The following RGPD2 variants were observed in gnomAD, a reference collection of about 807,000 sequenced individuals.
The protein encoded by RGPD2 is RANBP2-like and GRIP domain-containing protein 2.
RGPD2 carries 2 observed loss-of-function variants against 36.0 expected under a neutral mutation model. The observed-to-expected ratio is 0.06, with a 90% CI of 0.02 to 0.17. RGPD2 has a LOEUF of 0.17. RGPD2 is among the 10% of genes least tolerant of loss of function. The pLI is 1.00. For missense variants in RGPD2, 40 were observed against 464.3 expected, an observed-to-expected ratio of 0.09 and a Z score of 8.40; for synonymous variants, 19 against 163.8, an observed-to-expected ratio of 0.12 and a Z score of 6.75.
At chr2:87,865,481 C>A in the RGPD2 span, among the ~76,000 whole-genome samples, 179 of 152,234 alleles carry the variant, frequency 1.2e-3, no homozygotes, top group African/African-American at 3.6e-3. Context: ...TGAGTCTAGA[C>A]CTTACAACTG....
chr2:87,956,379 T>C, the RGPD2 span, among the ~76,000 whole-genome samples: 2 of 151,994 alleles, frequency 1.3e-5, no homozygotes, highest in East Asian at 3.9e-4. Flanking sequence ...AAATTATACA[T>C]ATATTTTATA....
chr2:87,815,520 A>G (rs561391156), intron 4 of RGPD2, among the ~76,000 whole-genome samples: 125 of 2,870 alleles, frequency 0.044, 6 homozygotes, highest in Middle Eastern at 0.094. Context: ...AAAAAAATCT[A>G]TAATTATTTC....
the RGPD2 span, among the ~76,000 whole-genome samples, chr2:87,957,548 A>T: frequency 6.7e-6 from 1 of 150,362 alleles, no homozygotes; most frequent in Non-Finnish European, 1.5e-5. Flanking sequence ...ATGGATGTGG[A>T]CAAAAGAACT....
At chr2:87,939,645 A>G in the RGPD2 span, among the ~76,000 whole-genome samples, 1 of 151,892 alleles carries the variant, frequency 6.6e-6, no homozygotes, top group East Asian at 1.9e-4. Context: ...TCTGAAATGA[A>G]CCAGATCAGC....
the RGPD2 span, among the ~76,000 whole-genome samples, chr2:87,966,637 C>T: frequency 5.9e-3 from 899 of 152,290 alleles, no homozygotes; most frequent in African/African-American, 0.02. Context: ...GAACTTAATG[C>T]CTAGAACTGG....
chr2:87,967,264 T>C, the RGPD2 span, among the ~76,000 whole-genome samples: 2 of 145,770 alleles, frequency 1.4e-5, no homozygotes, highest in Non-Finnish European at 3.0e-5. Context: ...AAAAATTAGC[T>C]GGGCATGGTG....
At chr2:87,967,359 G>T in the RGPD2 span, among the ~76,000 whole-genome samples, 1 of 149,870 alleles carries the variant, frequency 6.7e-6, no homozygotes, top group Non-Finnish European at 1.5e-5. Context: ...AGTGAGCCGA[G>T]ATTGCGCCAC....
chr2:87,781,448 T>G (rs71226347), intron 20 of RGPD2, among the ~76,000 whole-genome samples: 3,574 of 131,642 alleles, frequency 0.027, 103 homozygotes, highest in Non-Finnish European at 0.04. Flanking sequence ...AATATCATGG[T>G]TTTTTTTGTT....
At chr2:87,959,042 A>AT in the RGPD2 span, among the ~76,000 whole-genome samples, 2 of 23,938 alleles carry the variant, frequency 8.4e-5, no homozygotes, top group Non-Finnish European at 1.4e-4. Flanking sequence ...ATTCAGGGAG[A>AT]TATATATATA....
At chr2:87,972,728 C>G in the RGPD2 span, 2 of 1,610,536 alleles carry the variant, frequency 1.2e-6, no homozygotes, top group Admixed American at 1.7e-5. Context: ...ACAGCAGCTT[C>G]GAGAGCTGTG....
the RGPD2 span, among the ~76,000 whole-genome samples, chr2:87,961,165 A>G: frequency 6.6e-6 from 1 of 152,240 alleles, no homozygotes; most frequent in South Asian, 2.1e-4. Context: ...AGAGAAAACT[A>G]TCCTACTGAT....
chr2:87,948,634 G>C, the RGPD2 span, among the ~76,000 whole-genome samples: 1 of 134,622 alleles, frequency 7.4e-6, no homozygotes, highest in African/African-American at 2.8e-5. Flanking sequence ...ACCCGCCTTA[G>C]CCTCCCAAAG....
chr2:87,876,317 G>A, the RGPD2 span, among the ~76,000 whole-genome samples: 3 of 151,324 alleles, frequency 2.0e-5, no homozygotes, highest in Non-Finnish European at 4.4e-5. Flanking sequence ...AATTTGTGAT[G>A]TTAGGTTGTT....
intron 1 of RGPD2, among the ~76,000 whole-genome samples, chr2:87,824,735 AGGCCGAGGCCGCCGCCGCCGCCGCCG>A (rs1686561760): frequency 3.3e-5 from 3 of 90,548 alleles, no homozygotes. Flanking sequence ...CCGCCCGGCC[AGGCCGAGGCCGCCGCCGCCGCCGCCG>A]CCGCCGCCCG....
At chr2:87,836,851 A>G in the RGPD2 span, among the ~76,000 whole-genome samples, 1 of 152,140 alleles carries the variant, frequency 6.6e-6, no homozygotes, top group Non-Finnish European at 1.5e-5. Context: ...TCTGACATGC[A>G]ATGACACCCA....
At chr2:87,921,044 G>C in the RGPD2 span, among the ~76,000 whole-genome samples, 3 of 150,154 alleles carry the variant, frequency 2.0e-5, no homozygotes, top group African/African-American at 7.4e-5. Context: ...TTGATAATTT[G>C]TTAGAAAGCC....
At chr2:87,807,388 T>G (rs1305563745) in intron 6 of RGPD2, among the ~76,000 whole-genome samples, 11 of 128,150 alleles carry the variant, frequency 8.6e-5, no homozygotes, top group East Asian at 6.2e-4. Flanking sequence ...TTGTTTTTTT[T>G]TTTTTTTTTT....
At chr2:87,915,342 T>A in the RGPD2 span, among the ~76,000 whole-genome samples, 1 of 135,590 alleles carries the variant, frequency 7.4e-6, no homozygotes, top group Non-Finnish European at 1.5e-5. Context: ...GTATATATAA[T>A]GTATATTATA....
At chr2:87,825,099 C>A (rs933994960) in intron 1 of RGPD2, 25 of 390,004 alleles carry the variant, frequency 6.4e-5, no homozygotes, top group African/African-American at 4.6e-4. Context: ...CCCTGAGAAC[C>A]AAAGTGAACG....
Sources: gnomAD v4.1 joint callset for allele counts (sites outside exome capture counted in the v4.1 genomes callset) on GRCh38, gnomAD v4.1.1 for gene constraint, MANE v1.5 for transcripts, NCBI Gene and HGNC (gene_info 2026-07-23, HGNC 2026-07-21) for gene names.